The following CCNH variants were observed in gnomAD, a reference collection of about 807,000 sequenced individuals.
The protein encoded by CCNH is cyclin-H.
CCNH carries 31 observed loss-of-function variants against 41.9 expected under a neutral mutation model. The observed-to-expected ratio is 0.74, with a 90% CI of 0.56 to 1.00. CCNH has a LOEUF of 1.00. Among genes scored for constraint, CCNH ranks in the 50% least tolerant of loss-of-function variants. The probability of loss-of-function intolerance (pLI) is 0.00; values close to 1 mark genes in which losing one functional copy is unlikely to be tolerated. For synonymous variants in CCNH, 138 were observed against 136.1 expected (o/e 1.01, Z -0.10); for missense variants, 362 against 388.4 (o/e 0.93, Z 0.57).
intron 9 of CCNH, among the ~76,000 whole-genome samples, chr5:87,360,656 A>G (rs969677848): frequency 6.6e-6 from 1 of 152,222 alleles, no homozygotes; most frequent in East Asian, 1.9e-4. Flanking sequence ...TGATGTACAT[A>G]CAAAAATTTA....
chr5:87,409,902 C>A (rs1185580925), intron 2 of CCNH, among the ~76,000 whole-genome samples: 1 of 152,166 alleles, frequency 6.6e-6, no homozygotes, highest in East Asian at 1.9e-4. Flanking sequence ...GAATGTATAC[C>A]ATGTGCCAGA....
At chr5:87,367,420 G>GAA (rs1760606838) in intron 9 of CCNH, among the ~76,000 whole-genome samples, 1 of 152,198 alleles carries the variant, frequency 6.6e-6, no homozygotes, top group Non-Finnish European at 1.5e-5. Flanking sequence ...AGACTAATGT[G>GAA]AAAGTTAACA....
At chr5:87,357,952 CTAT>C (rs1298695306) in intron 9 of CCNH, among the ~76,000 whole-genome samples, 1 of 152,100 alleles carries the variant, frequency 6.6e-6, no homozygotes, top group African/African-American at 2.4e-5. Context: ...TATTTGTAGT[CTAT>C]TATTTTGGAG....
intron 9 of CCNH, among the ~76,000 whole-genome samples, chr5:87,356,045 ACTC>A (rs1393767008): frequency 6.6e-6 from 1 of 152,170 alleles, no homozygotes; most frequent in Non-Finnish European, 1.5e-5. Context: ...GATAGAATCT[ACTC>A]CTGTGAAGAT....
chr5:87,344,079 G>C (rs890998044), intron 9 of CCNH, among the ~76,000 whole-genome samples: 2 of 152,158 alleles, frequency 1.3e-5, no homozygotes. Context: ...GGGTAGCAGG[G>C]AAGGGGGGAT....
At chr5:87,338,536 A>ATATATATATATATATATATTTTTTTT in intron 9 of CCNH, among the ~76,000 whole-genome samples, 1 of 85,220 alleles carries the variant, frequency 1.2e-5, no homozygotes, top group Admixed American at 1.3e-4. Context: ...TATATATAAA[A>ATATATATATATATATATATTTTTTTT]TTTTTTTTTT....
chr5:87,388,936 A>G (rs113197062), downstream of CCNH, among the ~76,000 whole-genome samples: 3 of 152,032 alleles, frequency 2.0e-5, no homozygotes, highest in Non-Finnish European at 2.9e-5. Context: ...CCCACCCCTT[A>G]TTTTTAGAAT....
At chr5:87,350,578 C>T (rs1210156759) in intron 9 of CCNH, among the ~76,000 whole-genome samples, 1 of 151,390 alleles carries the variant, frequency 6.6e-6, no homozygotes, top group Non-Finnish European at 1.5e-5. Flanking sequence ...GAAATTCTTC[C>T]TACATACTGG....
At chr5:87,389,349 A>AG (rs771907409), downstream of CCNH, 2 of 1,611,366 alleles carry the variant, frequency 1.2e-6, no homozygotes, top group South Asian at 1.1e-5. Flanking sequence ...ACAAAAAAAA[A>AG]GAAGATTTGT....
chr5:87,386,760 A>G, downstream of CCNH: 1 of 1,427,316 alleles, frequency 7.0e-7, no homozygotes, highest in Non-Finnish European at 9.9e-7. Context: ...TTACTTTTGC[A>G]CCAACCTAAT....
chr5:87,320,217 A>G (rs1227565741), intron 9 of CCNH, among the ~76,000 whole-genome samples: 1 of 152,200 alleles, frequency 6.6e-6, no homozygotes, highest in East Asian at 1.9e-4. Context: ...GTCTCTAGGA[A>G]GTCTGAAACT....
At chr5:87,375,850 G>GT (rs1050890068), downstream of CCNH, among the ~76,000 whole-genome samples, 1 of 152,126 alleles carries the variant, frequency 6.6e-6, no homozygotes, top group Non-Finnish European at 1.5e-5. Context: ...TTATTCTGTA[G>GT]TTTTTTGTAG....
intron 9 of CCNH, among the ~76,000 whole-genome samples, chr5:87,321,718 G>A (rs1756825357): frequency 1.3e-5 from 2 of 152,246 alleles, no homozygotes; most frequent in Non-Finnish European, 2.9e-5. Context: ...GCAAGTGGAT[G>A]AGTTCTTGCT....
At position 87,394,364 on chromosome 5, in the gene CCNH, A is replaced by ATACTT; in HGVS notation, c.*77_*81dup. ...TTAATATATTTTATGTTTTCACATT[A>ATACTT]TACTTTTTAAATAAAGTTAAACGTT... On this transcript the variant is annotated 3_prime_UTR_variant, in exon 9 of 9. Coordinates refer to ENST00000256897, the MANE Select transcript of CCNH (RefSeq NM_001239.4). 6.5e-7 allele frequency: 1 copy of ATACTT among 1,541,894 alleles called. No homozygotes were observed.
intron 9 of CCNH, among the ~76,000 whole-genome samples, chr5:87,325,647 C>T (rs1169642806): frequency 1.3e-5 from 2 of 152,102 alleles, no homozygotes; most frequent in Admixed American, 1.3e-4. Flanking sequence ...AGTAATATAA[C>T]CAAAAGGAAA....
At chr5:87,375,370 C>T (rs531710968), downstream of CCNH, among the ~76,000 whole-genome samples, 6 of 152,056 alleles carry the variant, frequency 3.9e-5, no homozygotes, top group Non-Finnish European at 2.9e-5. Context: ...AAGCAATTCT[C>T]CTGCCTCAGC....
At chr5:87,342,554 A>C (rs556849415) in intron 9 of CCNH, among the ~76,000 whole-genome samples, 185 of 152,316 alleles carry the variant, frequency 1.2e-3, no homozygotes, top group Non-Finnish European at 1.7e-3. Flanking sequence ...TTTTCTTTAG[A>C]CACAATAATC....
At chr5:87,403,967 G>C (rs1031110864) in intron 5 of CCNH, among the ~76,000 whole-genome samples, 14 of 152,178 alleles carry the variant, frequency 9.2e-5, no homozygotes, top group African/African-American at 3.4e-4. Flanking sequence ...TAAATAAGTG[G>C]AGATATAAAT....
At chr5:87,321,587 A>G (rs963698888) in intron 9 of CCNH, among the ~76,000 whole-genome samples, 1 of 152,256 alleles carries the variant, frequency 6.6e-6, no homozygotes, top group African/African-American at 2.4e-5. Context: ...TATGAAGGAT[A>G]TGTTAAAGGA....
Sources: allele counts gnomAD v4.1 joint callset (sites outside exome capture counted in the v4.1 genomes callset), GRCh38; gene constraint gnomAD v4.1.1; transcripts MANE v1.5; gene names NCBI Gene and HGNC (gene_info 2026-07-23, HGNC 2026-07-21).